The following DOCK5 variants were observed in gnomAD, a reference collection of about 807,000 sequenced individuals.
DOCK5 encodes the protein dedicator of cytokinesis protein 5.
A neutral mutation model predicts 251.8 loss-of-function variants in DOCK5; 142 were observed. The observed-to-expected ratio is 0.56, with a 90% CI of 0.49 to 0.65. DOCK5 has a LOEUF of 0.65. Among genes scored for constraint, DOCK5 ranks in the 30% least tolerant of loss-of-function variants. The pLI, the probability that DOCK5 is intolerant of heterozygous loss-of-function variation, is 0.00. For synonymous variants in DOCK5, 842 were observed against 835.5 expected (o/e 1.01, Z -0.13); for missense variants, 2,111 against 2,312.3 (o/e 0.91, Z 1.79).
At chr8:25,410,003 A>G in intron 50 of DOCK5, 96 bp from the exon 51 acceptor site, 2 of 979,616 alleles carry the variant, frequency 2.0e-6, no homozygotes, top group South Asian at 3.1e-5. Context: ...CAGTTGGTTG[A>G]CCAGGTTGGC....
chr8:25,390,380 G>A (rs963150527), intron 42 of DOCK5, 93 bp downstream of exon 42: 68 of 1,161,388 alleles, frequency 5.9e-5, no homozygotes, highest in Non-Finnish European at 7.2e-5. Context: ...GCTGAGGGAG[G>A]AGTATTGCTC....
chr8:25,252,615 A>G (rs1482550451), intron 2 of DOCK5, among the ~76,000 whole-genome samples: 1 of 152,194 alleles, frequency 6.6e-6, no homozygotes, highest in Non-Finnish European at 1.5e-5. Context: ...CTTTACCTTA[A>G]GTACAGCTTG....
chr8:25,305,691 TG>T (rs1390437306), intron 11 of DOCK5, among the ~76,000 whole-genome samples: 1 of 152,212 alleles, frequency 6.6e-6, no homozygotes, highest in East Asian at 1.9e-4. Context: ...TTATTGAGGA[TG>T]AGTGAAATGC....
In DOCK5 at chr8:25,336,339, A is replaced by G. The variant is rs1438749029; in HGVS notation, c.2293A>G (p.Arg765Gly). 1.9e-6 allele frequency: 3 copies of G among 1,613,932 alleles called. No individual in the cohort carries two copies. The highest frequency in any genetic ancestry group is 2.5e-6 in the Non-Finnish European group (3 of 1,179,832). Residue 765 changes from arginine to glycine, a missense_variant, in exon 22 of 52, where the codon AGA (arginine) becomes GGA (glycine). Arg to Gly is a moderately radical substitution (Grantham distance 125). Coordinates refer to ENST00000276440, the MANE Select transcript of DOCK5 (RefSeq NM_024940.8). ...GTTGAAAGCCTTGAAGTACTTGTTT[A>G]GATTCATCATCCAATCCCGAGTGCT... ...AALKALKYLF[R>G]FIIQSRVLYL...
At chr8:25,272,816 C>A (rs1403331477) in intron 3 of DOCK5, among the ~76,000 whole-genome samples, 1 of 152,154 alleles carries the variant, frequency 6.6e-6, no homozygotes, top group African/African-American at 2.4e-5. Context: ...AGAAGTCTTT[C>A]ATCTTTCCAA....
At chr8:25,316,955 A>C in intron 13 of DOCK5, 52 bp from the exon 14 acceptor site, 1 of 1,603,020 alleles carries the variant, frequency 6.2e-7, no homozygotes, top group Non-Finnish European at 8.5e-7. Flanking sequence ...ACATTCTGAA[A>C]CTTAGAATGA....
intron 11 of DOCK5, chr8:25,304,597 G>A (rs989321874): frequency 5.1e-5 from 19 of 375,296 alleles, no homozygotes; most frequent in Non-Finnish European, 7.6e-5. Flanking sequence ...CTGGAATGCA[G>A]AGAGGGTGCC....
intron 2 of DOCK5, among the ~76,000 whole-genome samples, chr8:25,265,512 C>T (rs978916599): frequency 6.6e-6 from 1 of 151,776 alleles, no homozygotes; most frequent in Non-Finnish European, 1.5e-5. Context: ...CCTTGGTCAC[C>T]GTATCTAAAA....
chr8:25,248,302 A>G (rs1803169670), intron 2 of DOCK5, among the ~76,000 whole-genome samples: 1 of 152,210 alleles, frequency 6.6e-6, no homozygotes, highest in South Asian at 2.1e-4. Flanking sequence ...CAAGGGCCGG[A>G]GTGCTTTGCA....
chr8:25,384,470 T>A (rs374792470), intron 40 of DOCK5, among the ~76,000 whole-genome samples: 80,049 of 130,240 alleles, frequency 0.61, 24,719 homozygotes, highest in African/African-American at 0.66. Flanking sequence ...TTTATTTTTT[T>A]TTTTTTTGAG....
chr8:25,222,340 T>C (rs1433386203), intron 1 of DOCK5, among the ~76,000 whole-genome samples: 1 of 152,204 alleles, frequency 6.6e-6, no homozygotes, highest in Admixed American at 6.5e-5. Flanking sequence ...CCAAACCCTG[T>C]CTTTAAAATA....
chr8:25,347,060 C>G (rs549270187), intron 26 of DOCK5, among the ~76,000 whole-genome samples: 2 of 152,304 alleles, frequency 1.3e-5, no homozygotes, highest in South Asian at 2.1e-4. Flanking sequence ...GAAAACCACT[C>G]TTTGTCATCA....
chr8:25,275,409 C>A lies in DOCK5; in HGVS notation c.192C>A (p.Ile64=), dbSNP rs760198142. 5 of 1,608,642 alleles carry A rather than the reference C, an allele frequency of 3.1e-6. No homozygotes were observed. The highest frequency in any genetic ancestry group is 4.2e-6 in the Non-Finnish European group (5 of 1,178,526). The change falls in exon 4 of 52, where the codon ATC becomes ATA. Residue 64 remains isoleucine (I), a synonymous_variant. Coordinates refer to ENST00000276440, the MANE Select transcript of DOCK5 (RefSeq NM_024940.8). ...SKKGIFPETY[I]HLKEATVEDL... ...AGGGCATTTTCCCTGAAACATATAT[C>A]CATTTGAAAGAGGCAACTGTGGAAG...
intron 37 of DOCK5, chr8:25,375,581 C>A: frequency 1.6e-6 from 1 of 633,676 alleles, no homozygotes; most frequent in Non-Finnish European, 2.0e-6. Context: ...CTTGGTCCAT[C>A]CCGTAAGCAT....
At chr8:25,315,254 C>G (rs539914134) in intron 13 of DOCK5, among the ~76,000 whole-genome samples, 3 of 151,196 alleles carry the variant, frequency 2.0e-5, no homozygotes, top group Non-Finnish European at 4.4e-5. Context: ...TCTCCTACCT[C>G]TGGGCCTTTG....
At chr8:25,398,737 G>C (rs1393623363) in intron 45 of DOCK5, among the ~76,000 whole-genome samples, 1 of 152,094 alleles carries the variant, frequency 6.6e-6, no homozygotes, top group African/African-American at 2.4e-5. Context: ...TTTTTATAAG[G>C]ACACCAGTCA....
intron 5 of DOCK5, among the ~76,000 whole-genome samples, chr8:25,285,706 G>T (rs2709625): frequency 0.68 from 103,068 of 152,060 alleles, 38,241 homozygotes; most frequent in Non-Finnish European, 0.84. Context: ...ATTACTGGCT[G>T]CTGGAACGTA....
chr8:25,203,603 C>T (rs755065152), intron 1 of DOCK5, among the ~76,000 whole-genome samples: 2 of 152,128 alleles, frequency 1.3e-5, no homozygotes, highest in African/African-American at 4.8e-5. Flanking sequence ...GTGAAGCAAA[C>T]CCTGTATCAC....
chr8:25,325,618 A>C, intron 18 of DOCK5, 71 bp downstream of exon 18: 49 of 1,548,396 alleles, frequency 3.2e-5, no homozygotes, highest in African/African-American at 4.1e-5. Context: ...GGTTAGGCTC[A>C]CAGGGCTGGA....
Sources: gnomAD v4.1 joint callset for allele counts (sites outside exome capture counted in the v4.1 genomes callset) on GRCh38, gnomAD v4.1.1 for gene constraint, MANE v1.5 for transcripts, NCBI Gene and HGNC (gene_info 2026-07-23, HGNC 2026-07-21) for gene names.